The following KAZN variants were observed in gnomAD, a reference collection of about 807,000 sequenced individuals.
The protein encoded by KAZN is kazrin, periplakin interacting protein, also known as kazrin.
Under a neutral mutation model 87.4 loss-of-function variants are expected in KAZN, and 40 were observed. That is an observed-to-expected ratio of 0.46 (90% CI 0.36 to 0.60). KAZN has a LOEUF of 0.60. KAZN is among the 20% of genes least tolerant of loss of function. The pLI, the probability that KAZN is intolerant of heterozygous loss-of-function variation, is 0.00. For missense variants in KAZN, 898 were observed against 1,073.9 expected (o/e 0.84, Z 2.29); for synonymous variants, 466 against 458.3 (o/e 1.02, Z -0.22).
chr1:14,060,756 A>G (rs1642763087), intron 1 of KAZN, among the ~76,000 whole-genome samples: 1 of 152,226 alleles, frequency 6.6e-6, no homozygotes, highest in Non-Finnish European at 1.5e-5. Flanking sequence ...GTAAGTTTGT[A>G]TCCAAGCAGG....
At chr1:14,857,235 G>T (rs4661307) in intron 1 of KAZN, among the ~76,000 whole-genome samples, 63,191 of 152,034 alleles carry the variant, frequency 0.42, 15,057 homozygotes, top group African/African-American at 0.65. Flanking sequence ...TGTCAAGCAC[G>T]CAGTGCTGGC....
At chr1:14,585,768 G>A (rs1675816058) in intron 2 of KAZN, among the ~76,000 whole-genome samples, 1 of 152,192 alleles carries the variant, frequency 6.6e-6, no homozygotes, top group East Asian at 1.9e-4. Context: ...AATGAGGAGA[G>A]GGTGCCGAAA....
At chr1:14,129,457 G>A (rs563919242) in intron 1 of KAZN, among the ~76,000 whole-genome samples, 54 of 152,338 alleles carry the variant, frequency 3.5e-4, no homozygotes, top group African/African-American at 1.3e-3. Context: ...GGATGTGAAA[G>A]GCCAAACTGC....
At chr1:14,871,717 T>C (rs1652161805) in intron 1 of KAZN, among the ~76,000 whole-genome samples, 1 of 151,210 alleles carries the variant, frequency 6.6e-6, no homozygotes, top group African/African-American at 2.4e-5. Flanking sequence ...CTGTGTGGTG[T>C]TAATTCTTTG....
chr1:14,950,667 G>A (rs1662370164), intron 1 of KAZN, among the ~76,000 whole-genome samples: 1 of 152,130 alleles, frequency 6.6e-6, no homozygotes, highest in Admixed American at 6.5e-5. Context: ...GGGGTCTGCA[G>A]TAGAGAGCCA....
intron 2 of KAZN, among the ~76,000 whole-genome samples, chr1:14,187,951 A>G (rs912064426): frequency 1.3e-5 from 2 of 152,116 alleles, no homozygotes; most frequent in East Asian, 3.9e-4. Flanking sequence ...TGTGCCAGGG[A>G]TGTTGCCAGC....
Position 14,717,970 on chromosome 1 carries a change from C to G in KAZN, c.226+118747C>G, listed in dbSNP as rs368433779. Among the ~76,000 whole-genome samples, 8 of 152,338 alleles carry G rather than the reference C, an allele frequency of 5.3e-5. 1 individual carries two copies. The East Asian group carries it at 1.2e-3, about 22-fold the overall frequency. ...GTTCAGAATACAAGGAGAACAGAAC[C>G]TGGTCAGAGGCCATCAAGAGGGACG... On this transcript the variant is annotated intron_variant, in intron 1 of 14. Coordinates refer to ENST00000376030, the MANE Select transcript of KAZN (RefSeq NM_201628.3).
chr1:14,329,028 A>G (rs1439716345), intron 2 of KAZN, among the ~76,000 whole-genome samples: 3 of 152,184 alleles, frequency 2.0e-5, no homozygotes, highest in Non-Finnish European at 4.4e-5. Context: ...CCAAAGACAA[A>G]TTTTAATGAT....
chr1:14,661,832 C>A (rs1192166573), intron 1 of KAZN, among the ~76,000 whole-genome samples: 1 of 152,120 alleles, frequency 6.6e-6, no homozygotes, highest in Non-Finnish European at 1.5e-5. Flanking sequence ...GTGAGGATCA[C>A]TTGAATCTGG....
rs1007065990 is a variant in KAZN, at chr1:14,613,198, C to T, written c.226+13975C>T. Among the ~76,000 whole-genome samples, 18 of 152,292 alleles carry T rather than the reference C, an allele frequency of 1.2e-4. No homozygotes were observed. In the East Asian group the frequency reaches 2.9e-3, roughly 24 times the overall value. ...ATCACAAGTGATTCATACAAGAAAT[C>T]ATCCAGATATCTTCACCATGAACCA... On this transcript the variant is annotated intron_variant, in intron 1 of 14. Transcript: ENST00000376030.
intron 2 of KAZN, among the ~76,000 whole-genome samples, chr1:14,221,437 C>G (rs961930855): frequency 1.3e-5 from 2 of 152,064 alleles, no homozygotes; most frequent in African/African-American, 4.8e-5. Context: ...CAATCACGAT[C>G]CATGTAGATT....
At chr1:15,054,958 A>T (rs1674795322) in intron 4 of KAZN, among the ~76,000 whole-genome samples, 2 of 152,244 alleles carry the variant, frequency 1.3e-5, no homozygotes, top group Admixed American at 1.3e-4. Flanking sequence ...CCCAGCCTGC[A>T]TTCAAGAAGG....
At chr1:14,937,199 T>A (rs2101616503) in intron 1 of KAZN, among the ~76,000 whole-genome samples, 1 of 152,322 alleles carries the variant, frequency 6.6e-6, no homozygotes, top group South Asian at 2.1e-4. Context: ...TGAAGATGGC[T>A]CCTCAGCAAG....
chr1:13,971,603 T>TG (rs1553180010), intron 1 of KAZN, among the ~76,000 whole-genome samples: 1,830 of 133,880 alleles, frequency 0.014, 35 homozygotes, highest in African/African-American at 0.042. Context: ...AGGTTTTTTT[T>TG]TTGTTGTTGT....
Position 14,892,068 on chromosome 1 carries a change from A to C in KAZN, c.227-68616A>C, listed in dbSNP as rs955064561. ...CTGCCTCTGGCCTCTGGTGTGGTGC[A>C]GACCCCTGAAGTAAATGCCTCCTCA... On this transcript the variant is annotated intron_variant, in intron 1 of 14. Coordinates refer to ENST00000376030, the MANE Select transcript of KAZN (RefSeq NM_201628.3). Among the ~76,000 whole-genome samples the C allele has an allele frequency of 2.6e-5, 4 of 152,112 alleles. 1 individual carries two copies. The highest frequency in any genetic ancestry group is 4.8e-5 in the African/African-American group (2 of 41,420).
At chr1:15,038,826 T>C (rs538497943) in intron 3 of KAZN, among the ~76,000 whole-genome samples, 1 of 104,008 alleles carries the variant, frequency 9.6e-6, no homozygotes, top group African/African-American at 3.8e-5. Context: ...ACCTACTATA[T>C]ACAGACATGA....
At chr1:14,399,208 G>A (rs6683210) in intron 2 of KAZN, among the ~76,000 whole-genome samples, 32 of 151,892 alleles carry the variant, frequency 2.1e-4, no homozygotes, top group African/African-American at 7.7e-4. Context: ...GTGGAGATGA[G>A]GTCTCACTAT....
chr1:14,577,757 T>C (rs1255572829), intron 2 of KAZN, among the ~76,000 whole-genome samples: 1 of 152,242 alleles, frequency 6.6e-6, no homozygotes, highest in Admixed American at 6.5e-5. Context: ...ATTGCATTCC[T>C]GACCATTGAC....
intron 2 of KAZN, among the ~76,000 whole-genome samples, chr1:14,549,659 G>T (rs1673384556): frequency 7.2e-6 from 1 of 138,086 alleles, no homozygotes; most frequent in Admixed American, 7.5e-5. Flanking sequence ...TACTTTCCTT[G>T]GACAATAGGT....
Sources: allele counts gnomAD v4.1 joint callset (sites outside exome capture counted in the v4.1 genomes callset), GRCh38; gene constraint gnomAD v4.1.1; transcripts MANE v1.5; gene names NCBI Gene and HGNC (gene_info 2026-07-23, HGNC 2026-07-21).